Variants in SCAF8 observed in about 807,000 individuals in gnomAD.
The protein encoded by SCAF8 is SR-related and CTD-associated factor 8.
In SCAF8, 23 loss-of-function variants were observed where a neutral mutation model predicts 140.5. The ratio of observed to expected loss-of-function variants is 0.16; its 90% CI spans 0.12 to 0.23. The LOEUF (loss-of-function observed/expected upper bound fraction) is 0.23, where lower values mean the gene tolerates loss of function less well. Among genes scored for constraint, SCAF8 ranks in the 10% least tolerant of loss-of-function variants. The pLI, the probability that SCAF8 is intolerant of heterozygous loss-of-function variation, is 1.00. For missense variants in SCAF8, 1,397 were observed against 1,555.7 expected (o/e 0.90, Z 1.72); for synonymous variants, 575 against 528.9 (o/e 1.09, Z -1.20).
intron 1 of SCAF8, among the ~76,000 whole-genome samples, chr6:154,750,440 C>T (rs950413071): frequency 1.3e-5 from 2 of 151,630 alleles, no homozygotes; most frequent in African/African-American, 4.9e-5. Context: ...TCTTTTCATC[C>T]TCAGGTTTGT....
chr6:154,794,479 T>G (rs1777527322), intron 5 of SCAF8, among the ~76,000 whole-genome samples: 1 of 151,924 alleles, frequency 6.6e-6, no homozygotes, highest in Non-Finnish European at 1.5e-5. Flanking sequence ...TTTTGACAGA[T>G]AGGGAAAAAG....
intron 6 of SCAF8, among the ~76,000 whole-genome samples, chr6:154,795,830 A>G (rs1032690901): frequency 2.6e-5 from 4 of 152,198 alleles, no homozygotes; most frequent in Non-Finnish European, 5.9e-5. Context: ...AGGTTTTTCC[A>G]TTGTATCTAT....
chr6:154,771,919 G>C (rs1311269444), intron 1 of SCAF8, among the ~76,000 whole-genome samples: 1 of 152,128 alleles, frequency 6.6e-6, no homozygotes, highest in Non-Finnish European at 1.5e-5. Flanking sequence ...CTCTAAACAT[G>C]GTAGGGAGAA....
chr6:154,791,126 G>C (rs1399835280), intron 4 of SCAF8, among the ~76,000 whole-genome samples: 4 of 152,294 alleles, frequency 2.6e-5, no homozygotes, highest in African/African-American at 7.2e-5. Flanking sequence ...GACATCTTGA[G>C]ACATTATTCT....
At chr6:154,778,617 T>G (rs951135322) in intron 3 of SCAF8, among the ~76,000 whole-genome samples, 3 of 151,950 alleles carry the variant, frequency 2.0e-5, no homozygotes, top group African/African-American at 7.3e-5. Context: ...GTACAAAAAT[T>G]AGCTGACCTG....
chr6:154,746,854 T>A (rs1778712134), intron 1 of SCAF8, among the ~76,000 whole-genome samples: 1 of 152,244 alleles, frequency 6.6e-6, no homozygotes, highest in Non-Finnish European at 1.5e-5. Context: ...TCTTTCATCC[T>A]TGTTTGCTAT....
rs183295729 is a variant in SCAF8, at chr6:154,803,651, T to A, written c.863+28T>A. On this transcript the variant is annotated intron_variant, in intron 8 of 19. Coordinates refer to ENST00000367178, the MANE Select transcript of SCAF8 (RefSeq NM_014892.5). Reference sequence around the variant, plus strand: ...AAGAATTTTTTCTTTATAGCCATAGTTTTTTTATATTTAGTGGGATGTTGC... The same window carrying A: ...AAGAATTTTTTCTTTATAGCCATAGATTTTTTATATTTAGTGGGATGTTGC... 826 of 1,383,386 alleles carry A rather than the reference T, an allele frequency of 6.0e-4. 4 individuals are homozygous for A. The Middle Eastern group carries it at 8.2e-3, about 14-fold the overall frequency. The allele number at this position is 1,383,386 out of a possible 1,614,324, so 85.7% of individuals were successfully genotyped here. A position where few individuals can be genotyped will look rare whatever the true frequency, so the allele number is the denominator to read the frequency against.
rs967400906 is a variant in SCAF8 at position 154,779,189 on chromosome 6, C to T, written c.159+1144C>T. On this transcript the variant is annotated intron_variant, in intron 3 of 19. Transcript: ENST00000367178. ...CTGGGATTACAGACATGCGCCACCA[C>T]GCCCAGCTAATTTTTTTGTATTTTT... is the stretch of plus-strand genomic sequence containing the variant. 2.6e-5 allele frequency among the ~76,000 whole-genome samples: 4 copies of T among 152,078 alleles called. No homozygotes were observed. The East Asian group carries it at 7.7e-4, about 29-fold the overall frequency.
At chr6:154,790,225 G>T (rs9397749) in intron 4 of SCAF8, among the ~76,000 whole-genome samples, 89,178 of 151,916 alleles carry the variant, frequency 0.59, 28,253 homozygotes, top group East Asian at 0.91. Context: ...GCTTGGAAAC[G>T]GAAAGATTTT....
At chr6:154,784,915 T>G (rs1777207775) in intron 3 of SCAF8, among the ~76,000 whole-genome samples, 1 of 152,220 alleles carries the variant, frequency 6.6e-6, no homozygotes, top group Non-Finnish European at 1.5e-5. Flanking sequence ...CCCACTCATT[T>G]CAAGAAGTAG....
chr6:154,798,077 G>A (rs1027674775), intron 6 of SCAF8, among the ~76,000 whole-genome samples: 1 of 151,362 alleles, frequency 6.6e-6, no homozygotes, highest in African/African-American at 2.4e-5. Context: ...TGCAGTGTTT[G>A]AGGCCCTGTA....
intron 1 of SCAF8, among the ~76,000 whole-genome samples, chr6:154,771,063 A>G (rs575289900): frequency 6.6e-6 from 1 of 152,256 alleles, no homozygotes; most frequent in South Asian, 2.1e-4. Flanking sequence ...ACTCTTACTA[A>G]GTTAAATTTC....
chr6:154,797,812 A>G (rs190719831), intron 6 of SCAF8, among the ~76,000 whole-genome samples: 1 of 151,512 alleles, frequency 6.6e-6, no homozygotes, highest in East Asian at 1.9e-4. Flanking sequence ...AACCTGTTAT[A>G]TTTTTCTAAC....
At chr6:154,809,962 AT>A in intron 11 of SCAF8, 52 bp from the exon 12 acceptor site, 1 of 1,428,724 alleles carries the variant, frequency 7.0e-7, no homozygotes, top group Admixed American at 2.2e-5. Flanking sequence ...GAAGTGACAG[AT>A]TTGGTAGAAA....
chr6:154,815,690 G>A, intron 12 of SCAF8, 26 bp from the exon 13 acceptor site: 2 of 1,325,846 alleles, frequency 1.5e-6, no homozygotes, highest in Non-Finnish European at 2.2e-6. Flanking sequence ...AATGATTTAG[G>A]TCATTTGTCT....
At position 154,733,483 on chromosome 6, in the gene SCAF8, T is replaced by A; in HGVS notation, c.-418T>A. On this transcript the variant is annotated 5_prime_UTR_variant, in exon 1 of 20. Coordinates refer to ENST00000367178, the MANE Select transcript of SCAF8 (RefSeq NM_014892.5). The stretch of plus-strand genomic sequence containing the variant: ...GTCTTCGCCGAGCGGGGCTGGTTCC[T>A]GCGGCCCGAGCGGCGGGGAGGTGAA... 1 of 1,343,338 alleles carries A rather than the reference T, an allele frequency of 7.4e-7. No homozygotes were observed. The highest frequency in any genetic ancestry group is 9.5e-7 in the Non-Finnish European group (1 of 1,051,026). 83.2% of individuals were successfully genotyped at this position (1,343,338 alleles called of 1,614,324 possible). A position where few individuals can be genotyped will look rare whatever the true frequency, so the allele number is the denominator to read the frequency against.
At chr6:154,811,434 T>G (rs1017616463) in intron 12 of SCAF8, among the ~76,000 whole-genome samples, 15 of 152,280 alleles carry the variant, frequency 9.9e-5, no homozygotes, top group Admixed American at 1.3e-4. Context: ...TATTTCATTT[T>G]CCTTTAAGTT....
chr6:154,771,245 A>T (rs898632733), intron 1 of SCAF8, among the ~76,000 whole-genome samples: 3 of 152,208 alleles, frequency 2.0e-5, no homozygotes, highest in African/African-American at 7.2e-5. Flanking sequence ...TAAAAGAGGG[A>T]GTATTGATCT....
intron 1 of SCAF8, among the ~76,000 whole-genome samples, chr6:154,753,466 C>G (rs528172646): frequency 6.6e-6 from 1 of 150,668 alleles, no homozygotes; most frequent in South Asian, 2.1e-4. Flanking sequence ...AACTTTGTCT[C>G]AAAAAAATAA....
Sources: gnomAD v4.1 joint callset for allele counts (sites outside exome capture counted in the v4.1 genomes callset) on GRCh38, gnomAD v4.1.1 for gene constraint, MANE v1.5 for transcripts, NCBI Gene and HGNC (gene_info 2026-07-23, HGNC 2026-07-21) for gene names.